The following CYP7B1 variants were observed in gnomAD, a reference collection of about 807,000 sequenced individuals.
CYP7B1 encodes cytochrome P450 7B1.
Under a neutral mutation model 42.7 loss-of-function variants are expected in CYP7B1, and 29 were observed. That is an observed-to-expected ratio of 0.68 (90% CI 0.51 to 0.93). The LOEUF is 0.93. Among genes scored for constraint, CYP7B1 ranks in the 40% least tolerant of loss-of-function variants. The pLI, the probability that CYP7B1 is intolerant of heterozygous loss-of-function variation, is 0.00. For synonymous variants in CYP7B1, 235 were observed against 218.2 expected, an observed-to-expected ratio of 1.08 and a Z score of -0.68; for missense variants, 655 against 600.5, an observed-to-expected ratio of 1.09 and a Z score of -0.95.
At chr8:64,767,911 C>A (rs558389846) in intron 1 of CYP7B1, among the ~76,000 whole-genome samples, 2 of 152,270 alleles carry the variant, frequency 1.3e-5, no homozygotes, top group South Asian at 2.1e-4. Flanking sequence ...TTGAAGGCAT[C>A]CCTCCCGAGG....
At chr8:64,664,079 G>C (rs1459758517) in intron 1 of CYP7B1, among the ~76,000 whole-genome samples, 1 of 152,154 alleles carries the variant, frequency 6.6e-6, no homozygotes, top group South Asian at 2.1e-4. Context: ...ATGCAGGCCA[G>C]GGAAGGAAAG....
In CYP7B1 at chr8:64,786,583, C is replaced by T. The variant is rs528875846; in HGVS notation, c.122+11883G>A. On this transcript the variant is annotated intron_variant, in intron 1 of 5. Transcript: ENST00000310193. ...ACTCCTGTGGCTTTGCAGGGTACAGCCCCCCTCCCAGTTGCTTTCATGGGC... is the reference window on the plus strand; with the variant it reads ...ACTCCTGTGGCTTTGCAGGGTACAGTCCCCCTCCCAGTTGCTTTCATGGGC... Among the ~76,000 whole-genome samples the T allele has an allele frequency of 5.9e-5, 9 of 152,196 alleles. No homozygotes were observed. In the East Asian group the frequency reaches 1.2e-3, roughly 20 times the overall value.
chr8:64,589,382 T>C (rs1338694177), downstream of CYP7B1, among the ~76,000 whole-genome samples: 3 of 152,206 alleles, frequency 2.0e-5, no homozygotes, highest in Non-Finnish European at 4.4e-5. Context: ...AAATAAAAAG[T>C]TTTTTTTAAA....
intron 1 of CYP7B1, among the ~76,000 whole-genome samples, chr8:64,663,894 T>C (rs1208615458): frequency 6.6e-6 from 1 of 152,236 alleles, no homozygotes; most frequent in Non-Finnish European, 1.5e-5. Flanking sequence ...GCTTCAGCTA[T>C]GTGGTTACAA....
At chr8:64,781,356 C>A (rs1349902543) in intron 1 of CYP7B1, among the ~76,000 whole-genome samples, 1 of 152,062 alleles carries the variant, frequency 6.6e-6, no homozygotes, top group Non-Finnish European at 1.5e-5. Flanking sequence ...AATTTAGGGG[C>A]TTAAATAACA....
chr8:64,609,085 T>C (rs1805328030), intron 4 of CYP7B1, among the ~76,000 whole-genome samples: 1 of 152,174 alleles, frequency 6.6e-6, no homozygotes, highest in African/African-American at 2.4e-5. Context: ...AAGTTCAAAG[T>C]TGGAAAATAC....
intron 1 of CYP7B1, among the ~76,000 whole-genome samples, chr8:64,648,971 T>C (rs1248304964): frequency 6.6e-6 from 1 of 152,192 alleles, no homozygotes; most frequent in Non-Finnish European, 1.5e-5. Context: ...AATCTGTGCA[T>C]TTTTAAAAAA....
intron 1 of CYP7B1, among the ~76,000 whole-genome samples, chr8:64,733,364 A>G (rs1050085269): frequency 1.3e-5 from 2 of 152,214 alleles, no homozygotes; most frequent in African/African-American, 2.4e-5. Context: ...GTGGATACAC[A>G]GCGGCTTTTG....
In CYP7B1 at chr8:64,616,115, A is replaced by G; in HGVS notation, c.426T>C (p.Tyr142=). The part of the protein sequence containing the change: ...HDMNDELHLC[Y]QFLQGKSLDI... ...CCAAAGATTTGCCTTGCAAAAATTG[A>G]TAGCAGAGGTGAAGCTCATCATTCA... is the stretch of plus-strand genomic sequence containing the variant. Residue 142 remains tyrosine (Y), a synonymous_variant, in exon 3 of 6, where the codon TAT becomes TAC. Transcript: ENST00000310193. The G allele has an allele frequency of 6.2e-7, 1 of 1,613,758 alleles. No homozygotes were observed. Among genetic ancestry groups the G allele is most frequent in the Non-Finnish European group, 8.5e-7 (1 of 1,179,808 alleles).
At chr8:64,614,676 A>G (rs1272016046) in intron 4 of CYP7B1, among the ~76,000 whole-genome samples, 1 of 152,152 alleles carries the variant, frequency 6.6e-6, no homozygotes, top group African/African-American at 2.4e-5. Context: ...TTCCTTTTCA[A>G]TCCCTAAATA....
chr8:64,699,872 C>G (rs1317632986), intron 1 of CYP7B1, among the ~76,000 whole-genome samples: 1 of 152,062 alleles, frequency 6.6e-6, no homozygotes, highest in Non-Finnish European at 1.5e-5. Context: ...ACTCCATAAT[C>G]ACATTCAAGG....
At chr8:64,758,176 TAG>T (rs1232103885) in intron 1 of CYP7B1, among the ~76,000 whole-genome samples, 4 of 152,114 alleles carry the variant, frequency 2.6e-5, no homozygotes, top group Non-Finnish European at 4.4e-5. Context: ...AAAGGGGCAG[TAG>T]AGAGTCCACT....
chr8:64,686,050 T>C (rs1217667728), intron 1 of CYP7B1, among the ~76,000 whole-genome samples: 14 of 71,232 alleles, frequency 2.0e-4, no homozygotes, highest in African/African-American at 7.6e-4. Flanking sequence ...GGGAGGGAGA[T>C]GGGGGGGGTC....
chr8:64,747,722 C>T (rs954012929), intron 1 of CYP7B1, among the ~76,000 whole-genome samples: 3 of 151,770 alleles, frequency 2.0e-5, no homozygotes, highest in Middle Eastern at 3.4e-3. Flanking sequence ...CTAACTTTAC[C>T]GATACGTAAA....
At chr8:64,741,733 A>G (rs1269688281) in intron 1 of CYP7B1, among the ~76,000 whole-genome samples, 1 of 152,256 alleles carries the variant, frequency 6.6e-6, no homozygotes, top group African/African-American at 2.4e-5. Flanking sequence ...TTGAATTGAA[A>G]AGCACAATAC....
intron 1 of CYP7B1, among the ~76,000 whole-genome samples, chr8:64,663,516 A>G (rs762539965): frequency 2.6e-5 from 4 of 152,252 alleles, no homozygotes; most frequent in Non-Finnish European, 5.9e-5. Context: ...TTCTCCATTC[A>G]TAGACAGGGC....
intron 2 of CYP7B1, among the ~76,000 whole-genome samples, chr8:64,620,324 A>G (rs1805509655): frequency 6.6e-6 from 1 of 152,182 alleles, no homozygotes; most frequent in Non-Finnish European, 1.5e-5. Flanking sequence ...ATATGAGTCA[A>G]CTTTGTACTT....
At chr8:64,770,253 A>T (rs190714126) in intron 1 of CYP7B1, among the ~76,000 whole-genome samples, 7 of 152,318 alleles carry the variant, frequency 4.6e-5, no homozygotes, top group African/African-American at 1.7e-4. Flanking sequence ...TCAAAAAAAA[A>T]TTTGGAAAAA....
intron 1 of CYP7B1, among the ~76,000 whole-genome samples, chr8:64,702,091 A>AT (rs2129632470): frequency 6.6e-6 from 1 of 152,122 alleles, no homozygotes; most frequent in South Asian, 2.1e-4. Flanking sequence ...GACTGATAAT[A>AT]TTTTTTATGG....
Sources: allele counts gnomAD v4.1 joint callset (sites outside exome capture counted in the v4.1 genomes callset), GRCh38; gene constraint gnomAD v4.1.1; transcripts MANE v1.5; gene names NCBI Gene and HGNC (gene_info 2026-07-23, HGNC 2026-07-21).